The following APOBEC3D variants were observed in gnomAD, a reference collection of about 807,000 sequenced individuals.
APOBEC3D encodes the protein DNA dC->dU-editing enzyme APOBEC-3D.
APOBEC3D carries 37 observed loss-of-function variants against 45.6 expected under a neutral mutation model. The observed-to-expected ratio is 0.81, with a 90% CI of 0.62 to 1.07. The LOEUF (loss-of-function observed/expected upper bound fraction) is 1.07. Ranked by LOEUF, APOBEC3D falls within the 50% of genes least tolerant of loss-of-function variation. APOBEC3D has a pLI of 0.00. For synonymous variants in APOBEC3D, 175 were observed against 180.7 expected, an observed-to-expected ratio of 0.97 and a Z score of 0.25; for missense variants, 496 against 495.3, an observed-to-expected ratio of 1.00 and a Z score of -0.01.
chr22:39,027,192 G>A (rs139377785), intron 4 of APOBEC3D, among the ~76,000 whole-genome samples: 230 of 152,280 alleles, frequency 1.5e-3, no homozygotes, highest in African/African-American at 5.4e-3. Context: ...CTGTGACATA[G>A]GGACAAGAGC....
At chr22:39,027,604 G>A (rs1473446387) in intron 4 of APOBEC3D, among the ~76,000 whole-genome samples, 1 of 152,088 alleles carries the variant, frequency 6.6e-6, no homozygotes, top group Non-Finnish European at 1.5e-5. Context: ...ATCAGGGCCA[G>A]GACAAGCCTG....
chr22:39,021,320 C>G lies in APOBEC3D; in HGVS notation c.-200C>G. The G allele has an allele frequency of 3.3e-6, 2 of 598,880 alleles. No homozygotes were observed. The highest frequency in any genetic ancestry group is 6.1e-6 in the Non-Finnish European group (2 of 326,060). The allele number at this position is 598,880 out of a possible 1,614,324, so 37.1% of individuals were successfully genotyped here. A position where few individuals can be genotyped will look rare whatever the true frequency, so the allele number is the denominator to read the frequency against. Reference sequence around the variant, plus strand: ...ACGGGGTTTCTCCATGTTGGTCAGGCTGGTCTCGAACTCCTGACCTCGTGA... The same window carrying G: ...ACGGGGTTTCTCCATGTTGGTCAGGGTGGTCTCGAACTCCTGACCTCGTGA... On this transcript the variant is annotated 5_prime_UTR_variant, in exon 1 of 7. Transcript: ENST00000216099.
At chr22:39,032,110 C>A in intron 6 of APOBEC3D, 88 bp from the exon 7 acceptor site, 1 of 1,583,862 alleles carries the variant, frequency 6.3e-7, no homozygotes, top group Non-Finnish European at 8.6e-7. Flanking sequence ...CAACTGGCAG[C>A]CAGGAGACCT....
chr22:39,032,693 A>G lies in APOBEC3D; in HGVS notation c.*377A>G, dbSNP rs1047220903. On this transcript the variant is annotated 3_prime_UTR_variant, in exon 7 of 7. Transcript: ENST00000216099. ...ACTGCAAACTCTGCTTACTGGGTTC[A>G]AGTGATTCTCCTGTCTCAGCTTCTG... The G allele has an allele frequency of 3.8e-6, 3 of 783,704 alleles. No homozygotes were observed. Among genetic ancestry groups the G allele is most frequent in the South Asian group, 1.2e-4 (2 of 17,246 alleles). 48.5% of individuals were successfully genotyped at this position (783,704 alleles called of 1,614,324 possible).
chr22:39,023,276 C>A (rs539768814), intron 2 of APOBEC3D, among the ~76,000 whole-genome samples: 34 of 151,786 alleles, frequency 2.2e-4, no homozygotes, highest in African/African-American at 6.5e-4. Flanking sequence ...CTACCACGCC[C>A]GGCTAATTTT....
chr22:39,023,050 AAT>A (rs1925276643), intron 2 of APOBEC3D, 36 bp downstream of exon 2: 1 of 1,489,656 alleles, frequency 6.7e-7, no homozygotes, highest in Admixed American at 2.2e-5. Flanking sequence ...ACATAAGTAA[AAT>A]GTCTGGCGGC....
Position 39,032,640 on chromosome 22 carries a change from C to T in APOBEC3D, c.*324C>T. ...ACGGAGTTTCACTCTGTCGCCCAGA[C>T]TAGAGTGCAATGGCTGGATCTCAGC... is the stretch of plus-strand genomic sequence containing the variant. On this transcript the variant is annotated 3_prime_UTR_variant, in exon 7 of 7. Transcript: ENST00000216099. The T allele has an allele frequency of 2.0e-6, 2 of 1,021,344 alleles. No individual in the cohort carries two copies. The highest frequency in any genetic ancestry group is 4.0e-5 in the South Asian group (1 of 24,756). The allele number at this position is 1,021,344 out of a possible 1,614,324, so 63.3% of individuals were successfully genotyped here. A position where few individuals can be genotyped will look rare whatever the true frequency, so the allele number is the denominator to read the frequency against.
At position 39,031,929 on chromosome 22, in the gene APOBEC3D, G is replaced by A. The variant is rs1926257197; in HGVS notation, c.998G>A (p.Ser333Asn). Residue 333 changes from serine (S) to asparagine (N), a missense_variant, in exon 6 of 7, where the codon AGC (serine) becomes AAC (asparagine). By Grantham distance (46) the Ser-to-Asn change is conservative. Transcript: ENST00000216099. The stretch of plus-strand genomic sequence containing the variant: ...ACAGATTACCAGGAGGGGCTCTGCA[G>A]CCTGAGTCAGGAAGGGGCCTCCGTG... The part of the protein sequence containing the change: ...WDTDYQEGLC[S>N]LSQEGASVKI... 1.2e-6 allele frequency: 2 copies of A among 1,614,076 alleles called. No individual in the cohort carries two copies. Among genetic ancestry groups the A allele is most frequent in the Non-Finnish European group, 1.7e-6 (2 of 1,180,050 alleles).
Position 39,021,428 on chromosome 22 carries a change from T to C in APOBEC3D, c.-92T>C, listed in dbSNP as rs1603274625. 9.4e-6 allele frequency: 15 copies of C among 1,592,968 alleles called. No homozygotes were observed. The highest frequency in any genetic ancestry group is 3.3e-5 in the South Asian group (3 of 90,432). ...GCCGGGAGGTCACTTTAAGGAGGGC[T>C]GTCCAACTGCAAGGAGCCGCAAGCA... On this transcript the variant is annotated 5_prime_UTR_variant, in exon 1 of 7. Coordinates refer to ENST00000216099, the MANE Select transcript of APOBEC3D (RefSeq NM_152426.4).
intron 1 of APOBEC3D, 69 bp downstream of exon 1, chr22:39,021,605 G>T (rs1185759931): frequency 8.7e-6 from 14 of 1,608,012 alleles, no homozygotes; most frequent in Non-Finnish European, 1.1e-5. Flanking sequence ...CTGGGCCTCA[G>T]CCCTGGCCTC....
At position 39,026,939 on chromosome 22, in the gene APOBEC3D, C is replaced by T. The variant is rs576025576; in HGVS notation, c.605+1268C>T. Among the ~76,000 whole-genome samples, 168 of 151,900 alleles carry T rather than the reference C, an allele frequency of 1.1e-3. 2 individuals carry two copies. The highest frequency in any genetic ancestry group is 1.4e-3 in the Non-Finnish European group (95 of 67,980). ...CTAATTTTTGTATTTTTAGTAGAGA[C>T]GGGGTTTTGCAATGTTGGCCAGGTG... On this transcript the variant is annotated intron_variant, in intron 4 of 6. Transcript: ENST00000216099.
chr22:39,025,454 G>T (rs752289272), intron 3 of APOBEC3D, 103 bp from the exon 4 acceptor site: 35 of 1,613,718 alleles, frequency 2.2e-5, no homozygotes, highest in Non-Finnish European at 2.8e-5. Flanking sequence ...GCCTGCAGGG[G>T]TGGGGCTGGC....
chr22:39,021,672 A>C (rs1208671587), intron 1 of APOBEC3D, 136 bp downstream of exon 1: 7 of 1,233,052 alleles, frequency 5.7e-6, no homozygotes, highest in African/African-American at 4.7e-5. Flanking sequence ...TGCCGCCCCC[A>C]CTCCCAGCCA....
intron 4 of APOBEC3D, 30 bp from the exon 5 acceptor site, chr22:39,029,330 CTCT>C: frequency 6.2e-7 from 1 of 1,612,344 alleles, no homozygotes; most frequent in Non-Finnish European, 8.5e-7. Context: ...TCCGAGGAAT[CTCT>C]GCACTGGGGT....
rs1925982676 is a variant in APOBEC3D at position 39,029,391 on chromosome 22, A to G, written c.634A>G (p.Ile212Val). The change falls in exon 5 of 7, where the codon ATA becomes GTA. Residue 212 changes from isoleucine (I) to valine (V), a missense_variant. Ile to Val is a conservative substitution (Grantham distance 29). Transcript: ENST00000216099. ...CCCGATGGAGGCAATGTACCCACAC[A>G]TATTCTACTTCCACTTTAAAAACCT... ...RNPMEAMYPH[I>V]FYFHFKNLLK... The G allele has an allele frequency of 2.5e-6, 4 of 1,614,188 alleles. No individual in the cohort carries two copies. The highest frequency in any genetic ancestry group is 1.1e-5 in the South Asian group (1 of 91,080).
chr22:39,026,100 C>T (rs892193487), intron 4 of APOBEC3D, among the ~76,000 whole-genome samples: 4 of 152,238 alleles, frequency 2.6e-5, no homozygotes, highest in African/African-American at 9.6e-5. Context: ...ACCATGGAAA[C>T]AGAGCTTCAG....
At chr22:39,022,106 T>C (rs1008733139) in intron 1 of APOBEC3D, among the ~76,000 whole-genome samples, 4 of 152,116 alleles carry the variant, frequency 2.6e-5, no homozygotes, top group Non-Finnish European at 5.9e-5. Flanking sequence ...ACCAGTAACA[T>C]GGAATGTGAG....
intron 2 of APOBEC3D, among the ~76,000 whole-genome samples, chr22:39,024,465 G>A (rs1289747002): frequency 6.6e-6 from 1 of 152,234 alleles, no homozygotes; most frequent in Non-Finnish European, 1.5e-5. Flanking sequence ...TCCAAACACA[G>A]GGAAGCACGT....
intron 5 of APOBEC3D, among the ~76,000 whole-genome samples, chr22:39,031,175 T>C (rs975761548): frequency 6.6e-6 from 1 of 150,694 alleles, no homozygotes; most frequent in Non-Finnish European, 1.5e-5. Flanking sequence ...CAGAAAAAAA[T>C]AATAAAAAAA....
Sources: gnomAD v4.1 joint callset for allele counts (sites outside exome capture counted in the v4.1 genomes callset) on GRCh38, gnomAD v4.1.1 for gene constraint, MANE v1.5 for transcripts, NCBI Gene and HGNC (gene_info 2026-07-23, HGNC 2026-07-21) for gene names.